Variants in GPM6A observed in about 807,000 individuals in gnomAD.
GPM6A encodes the protein glycoprotein M6A, also known as neuronal membrane glycoprotein M6-a.
GPM6A carries 7 observed loss-of-function variants against 32.1 expected under a neutral mutation model. The observed-to-expected ratio is 0.22, with a 90% CI of 0.12 to 0.41. GPM6A has a LOEUF of 0.41. GPM6A is among the 10% of genes least tolerant of loss of function. The probability of loss-of-function intolerance (pLI) is 1.00; values close to 1 mark genes in which losing one functional copy is unlikely to be tolerated. For synonymous variants in GPM6A, 130 were observed against 123.4 expected, an observed-to-expected ratio of 1.05 and a Z score of -0.35; for missense variants, 235 against 347.2, an observed-to-expected ratio of 0.68 and a Z score of 2.57.
At chr4:175,708,363 T>TTTTATTTATTTATTTA (rs57574939) in intron 1 of GPM6A, among the ~76,000 whole-genome samples, 63 of 142,278 alleles carry the variant, frequency 4.4e-4, no homozygotes, top group South Asian at 9.2e-4. Flanking sequence ...AGAAGGTTTA[T>TTTTATTTATTTATTTA]TTTATTTATT....
At chr4:175,638,442 A>C (rs1366780015) in intron 6 of GPM6A, among the ~76,000 whole-genome samples, 1 of 152,106 alleles carries the variant, frequency 6.6e-6, no homozygotes, top group Admixed American at 6.6e-5. Flanking sequence ...TTGAAAAAAT[A>C]ATCTTCTAAG....
chr4:175,843,903 CT>C (rs1432037080), intron 1 of GPM6A, among the ~76,000 whole-genome samples: 4 of 152,150 alleles, frequency 2.6e-5, no homozygotes, highest in Non-Finnish European at 5.9e-5. Context: ...CGTTCTCAAT[CT>C]GGTTAGCCTA....
At chr4:175,797,053 C>A (rs1734261453) in intron 1 of GPM6A, among the ~76,000 whole-genome samples, 1 of 152,130 alleles carries the variant, frequency 6.6e-6, no homozygotes, top group African/African-American at 2.4e-5. Flanking sequence ...AAAATACTGG[C>A]AAATTTAATA....
intron 1 of GPM6A, among the ~76,000 whole-genome samples, chr4:175,978,358 T>A (rs986724912): frequency 6.6e-6 from 1 of 152,150 alleles, no homozygotes; most frequent in African/African-American, 2.4e-5. Flanking sequence ...GGAAAACCAA[T>A]TGCCTGATCA....
At chr4:175,813,336 A>C (rs563963181), upstream of GPM6A, among the ~76,000 whole-genome samples, 1 of 152,332 alleles carries the variant, frequency 6.6e-6, no homozygotes, top group South Asian at 2.1e-4. Flanking sequence ...GTCTGGCGAT[A>C]ATTAGCATTT....
intron 1 of GPM6A, among the ~76,000 whole-genome samples, chr4:175,805,051 A>T (rs1734637258): frequency 6.6e-6 from 1 of 150,978 alleles, no homozygotes. Context: ...TCAAAAAAAC[A>T]AAAACAAAAC....
intron 1 of GPM6A, chr4:175,872,655 G>C (rs1005332214): frequency 3.3e-5 from 5 of 152,104 alleles, no homozygotes; most frequent in Non-Finnish European, 2.9e-5. Context: ...ATTATTTTGA[G>C]TACTTACAGT....
intron 1 of GPM6A, among the ~76,000 whole-genome samples, chr4:175,997,116 T>A (rs1316565120): frequency 1.3e-5 from 2 of 152,128 alleles, no homozygotes; most frequent in Non-Finnish European, 2.9e-5. Context: ...ACCAGTCCAA[T>A]CCTGTCTTCA....
Position 175,786,569 on chromosome 4 carries a change from C to T in GPM6A, c.37+25622G>A, listed in dbSNP as rs533406380. Among the ~76,000 whole-genome samples the T allele has an allele frequency of 4.6e-5, 7 of 152,174 alleles. No homozygotes were observed. In the South Asian group the frequency reaches 8.3e-4, roughly 18 times the overall value. ...TTTTTTCCTTTACCCAGCACCTTCT[C>T]CTGCCATTCCTGTTTCTCTATTCTC... On this transcript the variant is annotated intron_variant, in intron 1 of 6. Transcript: ENST00000393658.
chr4:175,956,189 C>T (rs990139014), intron 1 of GPM6A, among the ~76,000 whole-genome samples: 7 of 152,144 alleles, frequency 4.6e-5, no homozygotes, highest in Non-Finnish European at 1.0e-4. Context: ...CTAGAGGAGC[C>T]ATTAGCCAAA....
intron 1 of GPM6A, among the ~76,000 whole-genome samples, chr4:175,995,967 T>C (rs1280851346): frequency 1.3e-5 from 2 of 148,706 alleles, no homozygotes; most frequent in Non-Finnish European, 3.0e-5. Flanking sequence ...GCATGGATAG[T>C]GAGCATTGAG....
chr4:175,922,579 G>A (rs1467986059), intron 1 of GPM6A, among the ~76,000 whole-genome samples: 1 of 152,172 alleles, frequency 6.6e-6, no homozygotes, highest in Non-Finnish European at 1.5e-5. Flanking sequence ...TCTGATATTG[G>A]AGAAATGAAA....
chr4:175,777,713 T>C (rs985024021), intron 1 of GPM6A, among the ~76,000 whole-genome samples: 2 of 152,120 alleles, frequency 1.3e-5, no homozygotes, highest in African/African-American at 4.8e-5. Flanking sequence ...TAAATTAGCA[T>C]AAATGAATTT....
Position 175,681,696 on chromosome 4 carries a change from C to T in GPM6A, c.231-7860G>A, listed in dbSNP as rs543275444. Among the ~76,000 whole-genome samples, 35 of 152,164 alleles carry T rather than the reference C, an allele frequency of 2.3e-4. No individual in the cohort carries two copies. In the South Asian group the frequency reaches 7.3e-3, roughly 32 times the overall value. On this transcript the variant is annotated intron_variant, in intron 2 of 6. Transcript: ENST00000393658. ...CTCTGGCCATGTGATGTGCCTGCTCCCCCTTCACCTTCTGCTATGATGGCA... is the reference window on the plus strand; with the variant it reads ...CTCTGGCCATGTGATGTGCCTGCTCTCCCTTCACCTTCTGCTATGATGGCA...
intron 6 of GPM6A, among the ~76,000 whole-genome samples, chr4:175,635,340 T>C (rs1740516908): frequency 6.6e-6 from 1 of 152,170 alleles, no homozygotes; most frequent in Non-Finnish European, 1.5e-5. Context: ...GGATGTTTCC[T>C]GCCCAATGTG....
chr4:175,710,666 C>T (rs898240201), intron 1 of GPM6A, among the ~76,000 whole-genome samples: 2 of 152,192 alleles, frequency 1.3e-5, no homozygotes, highest in Non-Finnish European at 2.9e-5. Flanking sequence ...CACCAACTCA[C>T]AGGAGAGCTG....
chr4:175,660,594 A>C (rs1742352840), intron 3 of GPM6A, among the ~76,000 whole-genome samples: 2 of 152,222 alleles, frequency 1.3e-5, no homozygotes, highest in Admixed American at 1.3e-4. Flanking sequence ...ATATTGCTGG[A>C]AAAAGTGTAC....
chr4:175,637,642 A>G (rs1443934731), intron 6 of GPM6A, among the ~76,000 whole-genome samples: 1 of 746 alleles, frequency 1.3e-3, no homozygotes, highest in East Asian at 0.083. Flanking sequence ...TATATTATAT[A>G]TTATATAAAA....
At chr4:176,002,355 G>GT, upstream of GPM6A, 1 of 1,578,038 alleles carries the variant, frequency 6.3e-7, no homozygotes, top group Non-Finnish European at 8.6e-7. Context: ...AGGAGAGCGA[G>GT]TGACCAGACG....
Sources: allele counts gnomAD v4.1 joint callset (sites outside exome capture counted in the v4.1 genomes callset), GRCh38; gene constraint gnomAD v4.1.1; transcripts MANE v1.5; gene names NCBI Gene and HGNC (gene_info 2026-07-23, HGNC 2026-07-21).